The following INPP4B variants were observed in gnomAD, a reference collection of about 807,000 sequenced individuals.
INPP4B encodes inositol polyphosphate-4-phosphatase type II B, also known as inositol polyphosphate 4-phosphatase type II.
In INPP4B, 55 loss-of-function variants were observed where a neutral mutation model predicts 122.5. The ratio of observed to expected loss-of-function variants is 0.45; its 90% CI spans 0.36 to 0.56. The LOEUF (loss-of-function observed/expected upper bound fraction) is 0.56, where lower values mean the gene tolerates loss of function less well. Among genes scored for constraint, INPP4B ranks in the 20% least tolerant of loss-of-function variants. The pLI, the probability that INPP4B is intolerant of heterozygous loss-of-function variation, is 0.00. For synonymous variants in INPP4B, 403 were observed against 388.7 expected (o/e 1.04, Z -0.43); for missense variants, 1,000 against 1,097.7 (o/e 0.91, Z 1.26).
At chr4:142,198,322 T>C (rs1839215006) in intron 14 of INPP4B, among the ~76,000 whole-genome samples, 1 of 152,036 alleles carries the variant, frequency 6.6e-6, no homozygotes, top group African/African-American at 2.4e-5. Flanking sequence ...TTATCAAACA[T>C]ACAGAGGTTT....
intron 23 of INPP4B, among the ~76,000 whole-genome samples, chr4:142,092,096 G>A (rs1049915520): frequency 6.6e-6 from 1 of 152,150 alleles, no homozygotes; most frequent in African/African-American, 2.4e-5. Context: ...ACTGTTTTAA[G>A]GATATGCAAG....
At chr4:142,603,258 G>A (rs1229631025) in intron 2 of INPP4B, among the ~76,000 whole-genome samples, 1 of 152,002 alleles carries the variant, frequency 6.6e-6, no homozygotes, top group Admixed American at 6.6e-5. Context: ...AGAACATCAG[G>A]AAAAATAGCT....
At chr4:142,720,107 A>C (rs1163763944) in intron 2 of INPP4B, among the ~76,000 whole-genome samples, 1 of 152,232 alleles carries the variant, frequency 6.6e-6, no homozygotes. Flanking sequence ...CGTCATTGTC[A>C]TCTCAATGAT....
At position 142,193,174 on chromosome 4, in the gene INPP4B, G is replaced by A. The variant is rs2149359155; in HGVS notation, c.1094C>T (p.Thr365Ile). 6.2e-7 allele frequency: 1 copy of A among 1,610,938 alleles called. No homozygotes were observed. Among genetic ancestry groups the A allele is most frequent in the Non-Finnish European group, 8.5e-7 (1 of 1,177,212 alleles). ...HLKDALYDVI[T>I]VGAPAAHFQG... ...AAAATGGGCAGCTGGGGCTCCCACA[G>A]TGATGACATCGTAGAGAGCATCTGG... The change falls in exon 15 of 26, where the codon ACT becomes ATT. Residue 365 changes from threonine (T) to isoleucine (I), a missense_variant. Coordinates refer to ENST00000262992, the MANE Select transcript of INPP4B (RefSeq NM_001101669.3).
At chr4:142,768,698 C>A (rs1441159034) in intron 1 of INPP4B, among the ~76,000 whole-genome samples, 2 of 152,144 alleles carry the variant, frequency 1.3e-5, no homozygotes, top group East Asian at 3.9e-4. Context: ...TATACAGAAG[C>A]AAGTCACAGA....
chr4:142,522,317 T>C (rs1432500772), intron 2 of INPP4B, among the ~76,000 whole-genome samples: 1 of 150,914 alleles, frequency 6.6e-6, no homozygotes, highest in Non-Finnish European at 1.5e-5. Context: ...CCCAGGAACA[T>C]TTCTTTCCTT....
At chr4:142,460,578 G>T (rs1356966533) in intron 3 of INPP4B, among the ~76,000 whole-genome samples, 1 of 151,648 alleles carries the variant, frequency 6.6e-6, no homozygotes, top group Admixed American at 6.6e-5. Context: ...TAGATTCCAC[G>T]TTTGAGACAC....
At chr4:142,140,164 C>T (rs374567212) in intron 18 of INPP4B, among the ~76,000 whole-genome samples, 5 of 152,170 alleles carry the variant, frequency 3.3e-5, no homozygotes, top group Admixed American at 1.3e-4. Context: ...TGGACTAATT[C>T]GATGATCTAC....
At chr4:142,688,271 T>A (rs1411966031) in intron 2 of INPP4B, among the ~76,000 whole-genome samples, 1 of 152,156 alleles carries the variant, frequency 6.6e-6, no homozygotes, top group Non-Finnish European at 1.5e-5. Flanking sequence ...CAAAGAGAAT[T>A]TGTTTTCTCT....
At chr4:142,481,234 C>G (rs971768543) in intron 2 of INPP4B, among the ~76,000 whole-genome samples, 11 of 151,360 alleles carry the variant, frequency 7.3e-5, no homozygotes, top group Non-Finnish European at 1.6e-4. Context: ...ACACTAGAAG[C>G]TGATCTTTCT....
At chr4:142,169,704 C>A (rs763004263) in intron 16 of INPP4B, among the ~76,000 whole-genome samples, 3 of 151,622 alleles carry the variant, frequency 2.0e-5, no homozygotes, top group Non-Finnish European at 4.4e-5. Flanking sequence ...CTAACATTTA[C>A]AATAAAAGCC....
chr4:142,831,401 G>A (rs1260876602), intron 1 of INPP4B, among the ~76,000 whole-genome samples: 1 of 152,202 alleles, frequency 6.6e-6, no homozygotes, highest in Non-Finnish European at 1.5e-5. Context: ...AAATAAAGCA[G>A]TAAAACTGTG....
intron 1 of INPP4B, among the ~76,000 whole-genome samples, chr4:142,749,809 C>T (rs865903918): frequency 6.6e-6 from 1 of 151,834 alleles, no homozygotes. Flanking sequence ...ATTACTGAAA[C>T]TATAAGTATT....
intron 14 of INPP4B, among the ~76,000 whole-genome samples, chr4:142,198,634 A>T (rs113178962): frequency 0.03 from 4,524 of 151,438 alleles, 210 homozygotes; most frequent in African/African-American, 0.1. Context: ...TCCTTCCCTG[A>T]GTTCCCTACA....
intron 7 of INPP4B, among the ~76,000 whole-genome samples, chr4:142,381,808 T>C (rs990883236): frequency 6.6e-6 from 1 of 152,272 alleles, no homozygotes; most frequent in East Asian, 1.9e-4. Flanking sequence ...ACCCGTTCTT[T>C]ACCTATTAAC....
intron 2 of INPP4B, among the ~76,000 whole-genome samples, chr4:142,655,512 T>C (rs1753956059): frequency 6.6e-6 from 1 of 152,230 alleles, no homozygotes; most frequent in African/African-American, 2.4e-5. Flanking sequence ...ACAACCTGTA[T>C]GTTAAGTGCT....
intron 2 of INPP4B, among the ~76,000 whole-genome samples, chr4:142,476,883 T>C (rs1233884919): frequency 6.6e-6 from 1 of 152,062 alleles, no homozygotes; most frequent in Non-Finnish European, 1.5e-5. Flanking sequence ...CACTGACAGA[T>C]AGTATGAGAG....
intron 9 of INPP4B, 48 bp from the exon 10 acceptor site, chr4:142,270,822 C>T (rs1561697191): frequency 8.0e-7 from 1 of 1,245,344 alleles, no homozygotes; most frequent in African/African-American, 1.5e-5. Context: ...CTTCTCTCTC[C>T]CCCAAAAATA....
intron 7 of INPP4B, among the ~76,000 whole-genome samples, chr4:142,402,457 T>C (rs961740528): frequency 2.6e-5 from 4 of 152,224 alleles, no homozygotes; most frequent in Non-Finnish European, 5.9e-5. Context: ...AGTTAACGTT[T>C]CTTCCTACTG....
Sources: allele counts gnomAD v4.1 joint callset (sites outside exome capture counted in the v4.1 genomes callset), GRCh38; gene constraint gnomAD v4.1.1; transcripts MANE v1.5; gene names NCBI Gene and HGNC (gene_info 2026-07-23, HGNC 2026-07-21).